The following MKLN1 variants were observed in gnomAD, a reference collection of about 807,000 sequenced individuals.
The protein encoded by MKLN1 is muskelin.
Under a neutral mutation model 99.0 loss-of-function variants are expected in MKLN1, and 18 were observed. The observed-to-expected ratio is 0.18, with a 90% CI of 0.13 to 0.27. The LOEUF is 0.27. Among genes scored for constraint, MKLN1 ranks in the 10% least tolerant of loss-of-function variants. The pLI is 1.00. For missense variants in MKLN1, 621 were observed against 875.9 expected (o/e 0.71, Z 3.67); for synonymous variants, 288 against 293.2 (o/e 0.98, Z 0.18).
At chr7:131,414,327 C>T (rs1233369126) in intron 7 of MKLN1, among the ~76,000 whole-genome samples, 4 of 152,084 alleles carry the variant, frequency 2.6e-5, no homozygotes, top group Non-Finnish European at 5.9e-5. Context: ...CTTTGGCACT[C>T]AAGTAGCTTA....
chr7:131,443,842 T>TTCA, intron 11 of MKLN1, 140 bp downstream of exon 11: 1 of 676,750 alleles, frequency 1.5e-6, no homozygotes, highest in Non-Finnish European at 2.5e-6. Context: ...AACAGTGAAC[T>TTCA]GTTTGCTAAT....
chr7:131,227,987 G>A (rs896850729), intron 3 of MKLN1, among the ~76,000 whole-genome samples: 1 of 152,236 alleles, frequency 6.6e-6, no homozygotes. Context: ...CCAGCTTCGT[G>A]TGTGGCCCAT....
intron 2 of MKLN1, among the ~76,000 whole-genome samples, chr7:131,180,131 T>C (rs762027783): frequency 1.3e-5 from 2 of 152,230 alleles, no homozygotes; most frequent in Non-Finnish European, 2.9e-5. Flanking sequence ...GTGAAGAACT[T>C]ACATATGAAA....
At chr7:131,322,551 CAA>C in intron 3 of MKLN1, among the ~76,000 whole-genome samples, 1 of 145,738 alleles carries the variant, frequency 6.9e-6, no homozygotes, top group African/African-American at 2.5e-5. Flanking sequence ...AGGGAACTGC[CAA>C]ACACTTTTTT....
Position 131,443,691 on chromosome 7 carries a change from T to C in MKLN1, c.1384T>C (p.Leu462=), listed in dbSNP as rs10224156. 9.1e-3 allele frequency: 14,640 copies of C among 1,606,632 alleles called. 987 individuals carry two copies. In the African/African-American group the frequency reaches 0.16, roughly 18 times the overall value. Residue 462 remains leucine (L), a synonymous_variant, in exon 11 of 18, where the codon TTA becomes CTA. Coordinates refer to ENST00000352689, the MANE Select transcript of MKLN1 (RefSeq NM_013255.5). ...CCAGTCTCGAATAGGACACTGCATG[T>C]TATTCCACTCAGTAAGAACATTCCG... The part of the protein sequence containing the change: ...DIQSRIGHCM[L]FHSKNRCLYV...
intron 3 of MKLN1, among the ~76,000 whole-genome samples, chr7:131,240,141 A>G (rs1452319061): frequency 6.6e-6 from 1 of 152,190 alleles, no homozygotes; most frequent in Non-Finnish European, 1.5e-5. Context: ...TGATCATGCC[A>G]CTGTACTCCA....
intron 1 of MKLN1, among the ~76,000 whole-genome samples, chr7:131,132,985 C>G (rs973147436): frequency 2.4e-5 from 3 of 125,354 alleles, no homozygotes; most frequent in African/African-American, 9.1e-5. Context: ...GAAAGAAAAA[C>G]CAGAGCATGA....
intron 12 of MKLN1, among the ~76,000 whole-genome samples, chr7:131,449,636 T>C (rs775376218): frequency 2.6e-5 from 4 of 151,698 alleles, no homozygotes; most frequent in African/African-American, 4.9e-5. Context: ...ATGGAAATTA[T>C]TCTCTTTTTT....
chr7:131,397,989 A>G (rs1357281703), intron 5 of MKLN1, among the ~76,000 whole-genome samples: 1 of 152,150 alleles, frequency 6.6e-6, no homozygotes, highest in Non-Finnish European at 1.5e-5. Context: ...TTGTTAATTA[A>G]TTATAGTTAA....
intron 6 of MKLN1, among the ~76,000 whole-genome samples, chr7:131,402,958 C>T (rs1035075958): frequency 1.1e-4 from 16 of 152,068 alleles, no homozygotes; most frequent in Non-Finnish European, 2.1e-4. Context: ...CATTGACTTC[C>T]GCTTAAAGTC....
At chr7:131,207,215 A>C (rs577767713) in intron 3 of MKLN1, among the ~76,000 whole-genome samples, 75 of 151,994 alleles carry the variant, frequency 4.9e-4, no homozygotes, top group Middle Eastern at 3.4e-3. Context: ...TTATTTATTT[A>C]TTTTTGAGAC....
intron 2 of MKLN1, among the ~76,000 whole-genome samples, chr7:131,164,393 GTGTGTGCTGC>G (rs1796095342): frequency 6.6e-6 from 1 of 152,166 alleles, no homozygotes; most frequent in Non-Finnish European, 1.5e-5. Context: ...AGGATTACAG[GTGTGTGCTGC>G]CACACCCGGC....
intron 8 of MKLN1, 101 bp from the exon 9 acceptor site, chr7:131,428,932 G>C: frequency 1.3e-6 from 1 of 754,640 alleles, no homozygotes. Context: ...AATTTATTTA[G>C]ATGTAGCTTC....
chr7:131,446,803 C>T lies in MKLN1; in HGVS notation c.1525+900C>T, dbSNP rs370879091. Among the ~76,000 whole-genome samples, 11 of 152,310 alleles carry T rather than the reference C, an allele frequency of 7.2e-5. No homozygotes were observed. The East Asian group carries it at 1.9e-3, about 27-fold the overall frequency. On this transcript the variant is annotated intron_variant, in intron 12 of 17. Transcript: ENST00000352689. ...AAACAAAAGATAGGCAAGGCACAGT[C>T]GCATATGCCTGTAATTCCAGCTAGT...
intron 2 of MKLN1, among the ~76,000 whole-genome samples, chr7:131,157,040 A>G (rs1419752428): frequency 6.6e-6 from 1 of 152,088 alleles, no homozygotes; most frequent in Non-Finnish European, 1.5e-5. Flanking sequence ...GTGGTTGTCT[A>G]ACTCCCCCCA....
At chr7:131,280,271 G>T (rs377330290) in intron 3 of MKLN1, among the ~76,000 whole-genome samples, 2 of 152,102 alleles carry the variant, frequency 1.3e-5, no homozygotes, top group Non-Finnish European at 2.9e-5. Context: ...GAGCATTCAC[G>T]TACAGGTTTC....
chr7:131,153,207 C>T (rs1795914829), intron 2 of MKLN1, among the ~76,000 whole-genome samples: 1 of 151,750 alleles, frequency 6.6e-6, no homozygotes, highest in Non-Finnish European at 1.5e-5. Context: ...TGGCATGTGC[C>T]AATGGTGTTT....
intron 3 of MKLN1, among the ~76,000 whole-genome samples, chr7:131,217,631 G>C (rs1182906070): frequency 6.6e-6 from 1 of 152,246 alleles, no homozygotes; most frequent in East Asian, 1.9e-4. Context: ...CCGAGAGGCA[G>C]GCGTTGCAGT....
At chr7:131,348,580 G>A (rs1799628822) in intron 1 of MKLN1, among the ~76,000 whole-genome samples, 1 of 149,054 alleles carries the variant, frequency 6.7e-6, no homozygotes, top group African/African-American at 2.5e-5. Flanking sequence ...AAAAATATTT[G>A]TAGATCCTCT....
Sources: allele counts gnomAD v4.1 joint callset (sites outside exome capture counted in the v4.1 genomes callset), GRCh38; gene constraint gnomAD v4.1.1; transcripts MANE v1.5; gene names NCBI Gene and HGNC (gene_info 2026-07-23, HGNC 2026-07-21).